The following PTH2R variants were observed in gnomAD, a reference collection of about 807,000 sequenced individuals.
PTH2R encodes the protein PTH2 receptor.
A neutral mutation model predicts 60.3 loss-of-function variants in PTH2R; 59 were observed. The observed-to-expected ratio is 0.98, with a 90% CI of 0.79 to 1.22. The LOEUF (loss-of-function observed/expected upper bound fraction) is 1.22, where lower values mean the gene tolerates loss of function less well. Among genes scored for constraint, PTH2R ranks in the 50% most tolerant of loss-of-function variants. PTH2R has a pLI of 0.00. For synonymous variants in PTH2R, 256 were observed against 243.8 expected (o/e 1.05, Z -0.47); for missense variants, 749 against 682.6 (o/e 1.10, Z -1.08).
intron 1 of PTH2R, among the ~76,000 whole-genome samples, chr2:208,371,479 C>T (rs1229494207): frequency 6.6e-6 from 1 of 152,160 alleles, no homozygotes; most frequent in Non-Finnish European, 1.5e-5. Context: ...GGAAGTGACT[C>T]CTTACAGAGT....
At chr2:208,406,395 G>C (rs991646873), upstream of PTH2R, among the ~76,000 whole-genome samples, 3 of 152,162 alleles carry the variant, frequency 2.0e-5, no homozygotes, top group Non-Finnish European at 4.4e-5. Flanking sequence ...AAATGAATCA[G>C]AGCATTTTAG....
chr2:208,492,032 G>A (rs1051598839), intron 12 of PTH2R, among the ~76,000 whole-genome samples: 1 of 152,180 alleles, frequency 6.6e-6, no homozygotes, highest in Non-Finnish European at 1.5e-5. Flanking sequence ...GTTGTTTCAG[G>A]TGACATCAGC....
At chr2:208,361,046 A>C (rs1043551608) in intron 1 of PTH2R, 11 of 212,886 alleles carry the variant, frequency 5.2e-5, no homozygotes, top group Non-Finnish European at 1.1e-4. Context: ...TGGAAATAAC[A>C]GATGGCGATG....
At chr2:208,413,303 G>T (rs1701578263) in intron 1 of PTH2R, among the ~76,000 whole-genome samples, 2 of 152,276 alleles carry the variant, frequency 1.3e-5, no homozygotes, top group African/African-American at 4.8e-5. Flanking sequence ...ATCATGGTAT[G>T]TGCTCCCCAT....
At chr2:208,383,449 A>G (rs1341406350) in intron 1 of PTH2R, among the ~76,000 whole-genome samples, 1 of 152,206 alleles carries the variant, frequency 6.6e-6, no homozygotes, top group Non-Finnish European at 1.5e-5. Context: ...AGATATAAAG[A>G]ATTTCTTAAA....
chr2:208,476,140 C>G (rs1285971576), intron 9 of PTH2R, among the ~76,000 whole-genome samples: 1 of 152,044 alleles, frequency 6.6e-6, no homozygotes, highest in African/African-American at 2.4e-5. Context: ...ATATCTAGTG[C>G]ACTTTTCAAA....
chr2:208,373,369 A>T (rs1700738139), intron 1 of PTH2R, among the ~76,000 whole-genome samples: 2 of 152,082 alleles, frequency 1.3e-5, no homozygotes, highest in East Asian at 1.9e-4. Context: ...TTGCTGTAGT[A>T]ATGTCCCTTA....
chr2:208,396,251 G>T (rs1354887571), intron 1 of PTH2R, among the ~76,000 whole-genome samples: 2 of 152,152 alleles, frequency 1.3e-5, no homozygotes, highest in Non-Finnish European at 2.9e-5. Context: ...ATAGGCACAG[G>T]CAAGGACTTC....
At chr2:208,422,357 G>A (rs184435356) in intron 1 of PTH2R, among the ~76,000 whole-genome samples, 163 of 152,278 alleles carry the variant, frequency 1.1e-3, no homozygotes, top group Middle Eastern at 3.4e-3. Context: ...GCCCATCGAA[G>A]TTGCTACATG....
chr2:208,380,697 C>T (rs1377914194), intron 1 of PTH2R, among the ~76,000 whole-genome samples: 3 of 152,088 alleles, frequency 2.0e-5, no homozygotes, highest in Non-Finnish European at 4.4e-5. Flanking sequence ...ATGTAGGTCT[C>T]TTTCTGCTGT....
intron 1 of PTH2R, among the ~76,000 whole-genome samples, chr2:208,427,004 G>A (rs1701869922): frequency 6.6e-6 from 1 of 152,088 alleles, no homozygotes; most frequent in Admixed American, 6.6e-5. Context: ...TTCCTGAAAA[G>A]GTTATCCCTA....
intron 7 of PTH2R, among the ~76,000 whole-genome samples, chr2:208,448,659 T>G (rs1702339292): frequency 6.7e-6 from 1 of 148,906 alleles, no homozygotes; most frequent in Admixed American, 6.8e-5. Flanking sequence ...ATAACTCAAC[T>G]TTCAGTAAAT....
At chr2:208,435,321 C>T (rs1323891055) in intron 2 of PTH2R, among the ~76,000 whole-genome samples, 1 of 152,188 alleles carries the variant, frequency 6.6e-6, no homozygotes, top group Non-Finnish European at 1.5e-5. Flanking sequence ...TGTCCATGCC[C>T]TAATACCTGC....
intron 9 of PTH2R, among the ~76,000 whole-genome samples, chr2:208,472,273 G>A (rs567679827): frequency 1.3e-5 from 2 of 152,260 alleles, no homozygotes; most frequent in South Asian, 4.1e-4. Context: ...GAGTCCAGGG[G>A]TGGAATGATA....
At chr2:208,474,837 T>C (rs1046735939) in intron 9 of PTH2R, among the ~76,000 whole-genome samples, 2 of 152,232 alleles carry the variant, frequency 1.3e-5, no homozygotes, top group African/African-American at 2.4e-5. Flanking sequence ...AGAGGTACTA[T>C]TCACCTTTAA....
At chr2:208,446,729 A>G (rs759061935) in intron 7 of PTH2R, among the ~76,000 whole-genome samples, 3 of 152,180 alleles carry the variant, frequency 2.0e-5, no homozygotes, top group Non-Finnish European at 2.9e-5. Flanking sequence ...CACAGCTATC[A>G]CTGAATGAAG....
intron 2 of PTH2R, among the ~76,000 whole-genome samples, chr2:208,432,407 A>G (rs953353017): frequency 1.3e-5 from 2 of 152,232 alleles, no homozygotes; most frequent in Non-Finnish European, 2.9e-5. Flanking sequence ...ATGAATCTTA[A>G]TTAATCAGGG....
intron 1 of PTH2R, among the ~76,000 whole-genome samples, chr2:208,384,300 TTGAG>T: frequency 6.6e-6 from 1 of 152,204 alleles, no homozygotes; most frequent in East Asian, 1.9e-4. Flanking sequence ...TTCAGGAGAA[TTGAG>T]TGTTTGTGTC....
intron 9 of PTH2R, among the ~76,000 whole-genome samples, chr2:208,476,471 C>T (rs1559231375): frequency 6.6e-6 from 1 of 152,076 alleles, no homozygotes; most frequent in African/African-American, 2.4e-5. Context: ...AAATTGAATT[C>T]CAACTGATTA....
Sources: allele counts gnomAD v4.1 joint callset (sites outside exome capture counted in the v4.1 genomes callset), GRCh38; gene constraint gnomAD v4.1.1; transcripts MANE v1.5; gene names NCBI Gene and HGNC (gene_info 2026-07-23, HGNC 2026-07-21).